PRKCZ: variants seen among roughly 807,000 people sequenced by gnomAD.
PRKCZ encodes protein kinase C zeta type.
In PRKCZ, 33 loss-of-function variants were observed where a neutral mutation model predicts 79.5. The observed-to-expected ratio is 0.41, with a 90% CI of 0.31 to 0.55. The LOEUF is 0.55. PRKCZ is among the 20% of genes least tolerant of loss of function. The pLI, the probability that PRKCZ is intolerant of heterozygous loss-of-function variation, is 0.19. For missense variants in PRKCZ, 578 were observed against 813.5 expected, an observed-to-expected ratio of 0.71 and a Z score of 3.52; for synonymous variants, 342 against 320.9, an observed-to-expected ratio of 1.07 and a Z score of -0.70.
chr1:2,080,877 T>C (rs1323804628), intron 4 of PRKCZ, among the ~76,000 whole-genome samples: 1 of 152,164 alleles, frequency 6.6e-6, no homozygotes, highest in African/African-American at 2.4e-5. Flanking sequence ...GTCAGGTGTT[T>C]TGTGGGACAG....
At chr1:2,054,139 T>C (rs1170011421) in intron 1 of PRKCZ, among the ~76,000 whole-genome samples, 1 of 152,220 alleles carries the variant, frequency 6.6e-6, no homozygotes, top group Non-Finnish European at 1.5e-5. Flanking sequence ...TTGAAACTTG[T>C]CTGATGAATT....
At chr1:2,057,337 C>T (rs1209034340) in intron 3 of PRKCZ, among the ~76,000 whole-genome samples, 1 of 152,186 alleles carries the variant, frequency 6.6e-6, no homozygotes, top group African/African-American at 2.4e-5. Context: ...GCGTCTGGGG[C>T]CTGGGAATGT....
intron 4 of PRKCZ, among the ~76,000 whole-genome samples, chr1:2,112,323 G>A (rs1005709191): frequency 6.6e-5 from 10 of 152,220 alleles, no homozygotes; most frequent in African/African-American, 2.2e-4. Flanking sequence ...GGCCTCAAAC[G>A]GCACAGTGCA....
intron 4 of PRKCZ, among the ~76,000 whole-genome samples, chr1:2,071,699 C>T (rs1350283064): frequency 6.6e-6 from 1 of 152,186 alleles, no homozygotes; most frequent in Non-Finnish European, 1.5e-5. Flanking sequence ...GGCTGAAGGA[C>T]AGTGGTCGTG....
intron 4 of PRKCZ, among the ~76,000 whole-genome samples, chr1:2,120,921 T>C (rs2102831548): frequency 6.6e-6 from 1 of 151,210 alleles, no homozygotes; most frequent in African/African-American, 2.4e-5. Context: ...TCAAGCAATA[T>C]TCCTGCCCCA....
At chr1:2,159,958 A>G (rs262651) in intron 10 of PRKCZ, among the ~76,000 whole-genome samples, 35,886 of 152,164 alleles carry the variant, frequency 0.24, 4,881 homozygotes, top group Admixed American at 0.33. Context: ...GTCGGAGGAC[A>G]CTTTCTCACT....
intron 10 of PRKCZ, among the ~76,000 whole-genome samples, chr1:2,167,706 C>T (rs373181674): frequency 1.3e-5 from 2 of 152,152 alleles, no homozygotes; most frequent in South Asian, 2.1e-4. Context: ...TGGGTTCAGG[C>T]GATTCTCCTG....
intron 16 of PRKCZ, chr1:2,181,944 C>G: frequency 2.3e-6 from 1 of 441,148 alleles, no homozygotes; most frequent in South Asian, 1.6e-5. Context: ...GGAACAGCCC[C>G]GGCCCCTCCC....
At position 2,059,787 on chromosome 1, in the gene PRKCZ, A is replaced by T. The variant is rs976362448; in HGVS notation, c.334+196A>T. ...TGTGCGTGTTCTGGCTGACAGCACC[A>T]CATGGCGGGGGACTCGCTTGGCTGG... On this transcript the variant is annotated intron_variant, in intron 4 of 17. Coordinates refer to ENST00000378567, the MANE Select transcript of PRKCZ (RefSeq NM_002744.6). Among the ~76,000 whole-genome samples the T allele has an allele frequency of 3.7e-4, 57 of 152,216 alleles. 1 individual carries two copies. The highest frequency in any genetic ancestry group is 1.4e-3 in the African/African-American group (57 of 41,452).
At chr1:2,161,988 C>T (rs1239170522) in intron 10 of PRKCZ, among the ~76,000 whole-genome samples, 1 of 152,098 alleles carries the variant, frequency 6.6e-6, no homozygotes, top group Non-Finnish European at 1.5e-5. Flanking sequence ...CAGGAAAGAA[C>T]CTTCGTCCGC....
intron 9 of PRKCZ, among the ~76,000 whole-genome samples, chr1:2,153,072 C>T (rs749950316): frequency 3.3e-5 from 5 of 152,230 alleles, no homozygotes; most frequent in Admixed American, 1.3e-4. Flanking sequence ...CTGCTTCCCA[C>T]GCAGCCGCGC....
At chr1:2,115,055 G>T (rs1476292399) in intron 4 of PRKCZ, among the ~76,000 whole-genome samples, 1 of 152,264 alleles carries the variant, frequency 6.6e-6, no homozygotes, top group Non-Finnish European at 1.5e-5. Flanking sequence ...CACACCCCGA[G>T]GTGACCCCAG....
intron 4 of PRKCZ, among the ~76,000 whole-genome samples, chr1:2,092,895 A>G (rs1210071234): frequency 6.6e-6 from 1 of 152,130 alleles, no homozygotes; most frequent in East Asian, 1.9e-4. Flanking sequence ...GGTGACCCTG[A>G]ATTCCAGTCC....
chr1:2,081,810 C>A (rs538533124), intron 4 of PRKCZ, among the ~76,000 whole-genome samples: 1 of 152,180 alleles, frequency 6.6e-6, no homozygotes, highest in African/African-American at 2.4e-5. Flanking sequence ...CCCCCACACC[C>A]CACCACTGCC....
At chr1:2,157,777 C>T (rs1681376721) in intron 10 of PRKCZ, among the ~76,000 whole-genome samples, 1 of 147,342 alleles carries the variant, frequency 6.8e-6, no homozygotes, top group Admixed American at 6.8e-5. Context: ...TGGTCTCAAA[C>T]TCCTGGGCTC....
At chr1:2,100,819 A>C (rs1278487546) in intron 4 of PRKCZ, among the ~76,000 whole-genome samples, 1 of 152,066 alleles carries the variant, frequency 6.6e-6, no homozygotes, top group Non-Finnish European at 1.5e-5. Context: ...CTTGCTAGAA[A>C]TTGCATGAGA....
intron 4 of PRKCZ, chr1:2,104,694 C>G: frequency 1.0e-6 from 1 of 985,880 alleles, no homozygotes; most frequent in Non-Finnish European, 1.2e-6. Flanking sequence ...GGAGGCTGGG[C>G]CTGCCCTGGC....
intron 4 of PRKCZ, among the ~76,000 whole-genome samples, chr1:2,079,964 G>A (rs976435760): frequency 7.2e-5 from 11 of 152,332 alleles, no homozygotes; most frequent in Middle Eastern, 3.4e-3. Context: ...GCTGCTTTGG[G>A]TGAGGAAGGG....
chr1:2,125,559 C>T lies in PRKCZ; in HGVS notation c.335-9703C>T, dbSNP rs1255087869. On this transcript the variant is annotated intron_variant, in intron 4 of 17. Transcript: ENST00000378567. The surrounding 1 kb of genome is among the most constrained non-coding windows in gnomAD (Gnocchi z 4.2). The stretch of plus-strand genomic sequence containing the variant: ...CTCCCCTGAGGAGGGAGGCGTGGGG[C>T]CCTGGGCTGGCTGCAAGACGTGGAG... Among the ~76,000 whole-genome samples the T allele has an allele frequency of 6.6e-6, 1 of 152,186 alleles. No homozygotes were observed. Among genetic ancestry groups the T allele is most frequent in the Non-Finnish European group, 1.5e-5 (1 of 68,022 alleles).
Sources: allele counts gnomAD v4.1 joint callset (sites outside exome capture counted in the v4.1 genomes callset), GRCh38; gene constraint gnomAD v4.1.1; non-coding constraint Gnocchi (gnomAD v3.1); transcripts MANE v1.5; gene names NCBI Gene and HGNC (gene_info 2026-07-23, HGNC 2026-07-21).